The following MYO16 variants were observed in gnomAD, a reference collection of about 807,000 sequenced individuals.
MYO16 encodes myosin XVI, also known as unconventional myosin-XVI.
In MYO16, 94 loss-of-function variants were observed where a neutral mutation model predicts 205.3. That is an observed-to-expected ratio of 0.46 (90% confidence interval 0.39 to 0.54). The LOEUF (loss-of-function observed/expected upper bound fraction) is 0.54. Ranked by LOEUF, MYO16 falls within the 20% of genes least tolerant of loss-of-function variation. The pLI, the probability that MYO16 is intolerant of heterozygous loss-of-function variation, is 0.00. For missense variants in MYO16, 2,315 were observed against 2,387.5 expected (o/e 0.97, Z 0.63); for synonymous variants, 988 against 954.0 (o/e 1.04, Z -0.66).
intron 16 of MYO16, among the ~76,000 whole-genome samples, chr13:108,919,712 G>A (rs1881657467): frequency 1.3e-5 from 2 of 152,172 alleles, no homozygotes; most frequent in South Asian, 2.1e-4. Flanking sequence ...ACATTCTCAG[G>A]GTTGTTATGA....
chr13:108,917,159 G>A (rs932944114), intron 16 of MYO16, among the ~76,000 whole-genome samples: 1 of 152,192 alleles, frequency 6.6e-6, no homozygotes, highest in Non-Finnish European at 1.5e-5. Flanking sequence ...TAACACAGAA[G>A]AGAACGTGAC....
intron 6 of MYO16, among the ~76,000 whole-genome samples, chr13:108,806,477 T>C (rs988888256): frequency 2.0e-5 from 3 of 152,182 alleles, no homozygotes; most frequent in African/African-American, 4.8e-5. Context: ...GGAAAATTAA[T>C]AAACATAAGC....
intron 32 of MYO16, among the ~76,000 whole-genome samples, chr13:109,148,956 G>C (rs914792445): frequency 1.3e-5 from 2 of 152,136 alleles, no homozygotes; most frequent in African/African-American, 4.8e-5. Context: ...CAGGGTGTGT[G>C]GTTCCTTTAG....
chr13:109,019,823 C>A lies in MYO16; in HGVS notation c.2708C>A (p.Ala903Glu), dbSNP rs771546307. Reference protein sequence around the residue: ...QSLLESSNTNAVYSPMKDGNG... With the variant: ...QSLLESSNTNEVYSPMKDGNG... The stretch of plus-strand genomic sequence containing the variant: ...CTCCTAGAATCCTCAAACACAAATG[C>A]GGTGTACTCCCCCATGAAGGATGGG... Residue 903 changes from alanine (A) to glutamate (E), a missense_variant, in exon 23 of 35, where the codon GCG (alanine) becomes GAG (glutamate). Physicochemically the swap from Ala to Glu is moderately radical, Grantham distance 107. Transcript: ENST00000457511. 1 of 1,614,074 alleles carries A rather than the reference C, an allele frequency of 6.2e-7. No individual in the cohort carries two copies. The highest frequency in any genetic ancestry group is 1.7e-5 in the Admixed American group (1 of 60,010).
At chr13:108,765,718 CT>C (rs1299244220) in intron 4 of MYO16, among the ~76,000 whole-genome samples, 1 of 152,184 alleles carries the variant, frequency 6.6e-6, no homozygotes, top group Non-Finnish European at 1.5e-5. Context: ...TATGTGGGGA[CT>C]TCTGAGTATG....
chr13:109,109,471 A>C (rs1889217899), intron 28 of MYO16, among the ~76,000 whole-genome samples: 1 of 152,132 alleles, frequency 6.6e-6, no homozygotes, highest in Non-Finnish European at 1.5e-5. Context: ...AAATGTAAAA[A>C]AGTGGTATTA....
chr13:108,871,733 A>T (rs1879074452), intron 12 of MYO16, among the ~76,000 whole-genome samples: 3 of 152,060 alleles, frequency 2.0e-5, no homozygotes, highest in African/African-American at 2.4e-5. Flanking sequence ...ACTTAGGGTG[A>T]CTTTCTGTGA....
intron 2 of MYO16, among the ~76,000 whole-genome samples, chr13:108,680,546 A>G (rs1159405702): frequency 6.6e-6 from 1 of 152,202 alleles, no homozygotes; most frequent in African/African-American, 2.4e-5. Context: ...TCATCCACAT[A>G]GAGAGAGAAG....
intron 23 of MYO16, among the ~76,000 whole-genome samples, chr13:109,042,028 C>T (rs1352250843): frequency 6.6e-6 from 1 of 152,036 alleles, no homozygotes; most frequent in African/African-American, 2.4e-5. Flanking sequence ...CCACACCTGG[C>T]TAGTTTTTGT....
At chr13:109,022,132 C>CAT (rs200628641) in intron 23 of MYO16, among the ~76,000 whole-genome samples, 3 of 132,676 alleles carry the variant, frequency 2.3e-5, no homozygotes, top group South Asian at 2.3e-4. Context: ...AATATATATA[C>CAT]ATATATATAT....
At chr13:109,036,709 A>C (rs1886728823) in intron 23 of MYO16, among the ~76,000 whole-genome samples, 2 of 152,216 alleles carry the variant, frequency 1.3e-5, no homozygotes, top group Non-Finnish European at 2.9e-5. Flanking sequence ...GAGTCGCATG[A>C]ATATAAATTT....
At chr13:108,869,287 T>C (rs1878891106) in intron 12 of MYO16, among the ~76,000 whole-genome samples, 1 of 152,122 alleles carries the variant, frequency 6.6e-6, no homozygotes, top group South Asian at 2.1e-4. Context: ...GTGAAATTCC[T>C]CTCAGTGTAT....
At chr13:108,601,594 G>T (rs1878765783) in intron 1 of MYO16, among the ~76,000 whole-genome samples, 1 of 151,884 alleles carries the variant, frequency 6.6e-6, no homozygotes, top group South Asian at 2.1e-4. Flanking sequence ...TCCATGCAGG[G>T]TATATGAGGA....
chr13:109,009,157 T>A, intron 22 of MYO16, 108 bp downstream of exon 22: 1 of 869,250 alleles, frequency 1.2e-6, no homozygotes, highest in Non-Finnish European at 1.7e-6. Flanking sequence ...TCTTTATATG[T>A]GAGATTCTGC....
intron 32 of MYO16, among the ~76,000 whole-genome samples, chr13:109,145,690 A>G (rs544457755): frequency 2.0e-5 from 3 of 152,236 alleles, no homozygotes; most frequent in Admixed American, 2.0e-4. Flanking sequence ...TTCAAAAACT[A>G]TGAGACCCGA....
chr13:108,790,292 G>T (rs1438651468), intron 5 of MYO16, among the ~76,000 whole-genome samples: 1 of 152,180 alleles, frequency 6.6e-6, no homozygotes, highest in Non-Finnish European at 1.5e-5. Flanking sequence ...GGTTCAGATT[G>T]ACTTCGGGAG....
intron 21 of MYO16, among the ~76,000 whole-genome samples, chr13:109,007,832 T>C (rs920928819): frequency 1.3e-5 from 2 of 152,108 alleles, no homozygotes; most frequent in Non-Finnish European, 2.9e-5. Context: ...ATATAATGAT[T>C]TGACTGTTGA....
chr13:108,977,094 T>C (rs906648433), intron 20 of MYO16, among the ~76,000 whole-genome samples: 18 of 152,216 alleles, frequency 1.2e-4, no homozygotes, highest in African/African-American at 4.3e-4. Flanking sequence ...TATATAACAT[T>C]GTGAATAACT....
intron 25 of MYO16, among the ~76,000 whole-genome samples, chr13:109,052,875 C>T (rs1167630815): frequency 6.6e-6 from 1 of 152,046 alleles, no homozygotes; most frequent in East Asian, 1.9e-4. Flanking sequence ...ATTGTTGTTT[C>T]TCTTATAGAC....
Sources: gnomAD v4.1 joint callset for allele counts (sites outside exome capture counted in the v4.1 genomes callset) on GRCh38, gnomAD v4.1.1 for gene constraint, MANE v1.5 for transcripts, NCBI Gene and HGNC (gene_info 2026-07-23, HGNC 2026-07-21) for gene names.